PARN: variants seen among roughly 807,000 people sequenced by gnomAD.
The protein encoded by PARN is poly(A)-specific ribonuclease.
Under a neutral mutation model 102.8 loss-of-function variants are expected in PARN, and 71 were observed. The ratio of observed to expected loss-of-function variants is 0.69; its 90% CI spans 0.57 to 0.84. The LOEUF (loss-of-function observed/expected upper bound fraction) is 0.84, where lower values mean the gene tolerates loss of function less well. PARN is among the 40% of genes least tolerant of loss of function. PARN has a pLI of 0.00. For missense variants in PARN, 782 were observed against 760.9 expected (o/e 1.03, Z -0.33); for synonymous variants, 261 against 252.9 (o/e 1.03, Z -0.30).
intron 12 of PARN, among the ~76,000 whole-genome samples, 167 bp from the exon 13 acceptor site, chr16:14,593,545 C>A (rs1008369250): frequency 1.6e-5 from 2 of 124,892 alleles, no homozygotes; most frequent in Non-Finnish European, 3.2e-5. Context: ...CTAATTTGGG[C>A]TGGCTTCATT....
At chr16:14,500,036 GAGA>G in intron 21 of PARN, among the ~76,000 whole-genome samples, 1 of 152,262 alleles carries the variant, frequency 6.6e-6, no homozygotes, top group Non-Finnish European at 1.5e-5. Context: ...GGTATACAGA[GAGA>G]AGAACACAGA....
At chr16:14,498,296 G>A (rs1021094317) in intron 21 of PARN, among the ~76,000 whole-genome samples, 4 of 152,104 alleles carry the variant, frequency 2.6e-5, no homozygotes, top group African/African-American at 9.7e-5. Flanking sequence ...CTGGGAGGGA[G>A]GGTGTCTGTC....
chr16:14,597,018 C>T (rs1970560287), intron 12 of PARN, among the ~76,000 whole-genome samples: 1 of 152,026 alleles, frequency 6.6e-6, no homozygotes. Context: ...AACTCCCGAC[C>T]TCCAGTGATC....
chr16:14,584,493 C>T (rs1234773140), intron 15 of PARN, 71 bp from the exon 16 acceptor site: 22 of 1,133,874 alleles, frequency 1.9e-5, no homozygotes, highest in Non-Finnish European at 2.5e-5. Context: ...GATTCACTGA[C>T]CCCCCCAAAA....
chr16:14,614,203 G>C (rs1405088806), intron 6 of PARN, among the ~76,000 whole-genome samples: 1 of 151,920 alleles, frequency 6.6e-6, no homozygotes, highest in Non-Finnish European at 1.5e-5. Context: ...GCTGCAGTGA[G>C]TCATGAATGT....
At chr16:14,591,930 C>G (rs1024458399) in intron 13 of PARN, 2 of 151,824 alleles carry the variant, frequency 1.3e-5, no homozygotes, top group Non-Finnish European at 2.9e-5. Context: ...CCCAGCTACT[C>G]GGGAGGCTGA....
intron 13 of PARN, among the ~76,000 whole-genome samples, chr16:14,589,641 G>A (rs187903127): frequency 8.6e-5 from 13 of 152,032 alleles, no homozygotes; most frequent in South Asian, 2.1e-4. Context: ...CCAGGCAGGC[G>A]GATCACCTAA....
intron 13 of PARN, among the ~76,000 whole-genome samples, chr16:14,587,251 G>A (rs755039293): frequency 6.6e-6 from 1 of 152,102 alleles, no homozygotes; most frequent in Non-Finnish European, 1.5e-5. Context: ...TCAATGCAAC[G>A]TCAAAAAATG....
chr16:14,593,594 T>A (rs369679292), intron 12 of PARN, among the ~76,000 whole-genome samples: 47 of 148,942 alleles, frequency 3.2e-4, no homozygotes, highest in African/African-American at 9.1e-4. Flanking sequence ...GAAAGCAAAG[T>A]GAAAGCACAA....
chr16:14,589,380 T>C (rs1434371827), intron 13 of PARN, among the ~76,000 whole-genome samples: 1 of 151,082 alleles, frequency 6.6e-6, no homozygotes, highest in Non-Finnish European at 1.5e-5. Flanking sequence ...CCTGGGCAAA[T>C]GGTGAGATCC....
At chr16:14,494,546 T>C (rs566134460) in intron 21 of PARN, among the ~76,000 whole-genome samples, 1 of 152,162 alleles carries the variant, frequency 6.6e-6, no homozygotes, top group Non-Finnish European at 1.5e-5. Flanking sequence ...AGAAGGAATA[T>C]GATGAGGTGA....
intron 9 of PARN, chr16:14,608,007 T>C: frequency 2.4e-6 from 1 of 415,404 alleles, no homozygotes; most frequent in Non-Finnish European, 4.2e-6. Context: ...CAAATATTTA[T>C]TGTATACCCC....
At chr16:14,526,130 T>C (rs1965985679) in intron 21 of PARN, among the ~76,000 whole-genome samples, 1 of 151,202 alleles carries the variant, frequency 6.6e-6, no homozygotes, top group South Asian at 2.1e-4. Flanking sequence ...ATTTTCTACA[T>C]GTTACTTTTC....
At chr16:14,622,721 T>C (rs1372790892) in intron 5 of PARN, among the ~76,000 whole-genome samples, 1 of 152,232 alleles carries the variant, frequency 6.6e-6, no homozygotes, top group Non-Finnish European at 1.5e-5. Flanking sequence ...TTAGCCAGGA[T>C]GGTCTTAATC....
intron 23 of PARN, among the ~76,000 whole-genome samples, chr16:14,442,573 G>C (rs570017648): frequency 1.3e-5 from 2 of 152,226 alleles, no homozygotes; most frequent in African/African-American, 4.8e-5. Flanking sequence ...AAGGAGACTG[G>C]TTACTTGGCT....
intron 22 of PARN, among the ~76,000 whole-genome samples, chr16:14,455,687 T>C (rs1330188942): frequency 6.6e-6 from 1 of 152,042 alleles, no homozygotes; most frequent in Non-Finnish European, 1.5e-5. Flanking sequence ...TAGATTTTTA[T>C]TGAGAAGAAT....
At chr16:14,436,838 A>T in intron 23 of PARN, 66 bp from the exon 24 acceptor site, 1 of 1,178,916 alleles carries the variant, frequency 8.5e-7, no homozygotes, top group Non-Finnish European at 1.2e-6. Flanking sequence ...AGAGCATGAC[A>T]TGACCAGCAG....
intron 21 of PARN, among the ~76,000 whole-genome samples, chr16:14,498,568 C>T (rs1390981508): frequency 3.9e-5 from 6 of 152,082 alleles, no homozygotes; most frequent in African/African-American, 7.2e-5. Context: ...ACATCATACA[C>T]GATCTGTCAC....
chr16:14,570,448 G>A (rs1256820153), intron 18 of PARN, among the ~76,000 whole-genome samples: 1 of 149,240 alleles, frequency 6.7e-6, no homozygotes, highest in Non-Finnish European at 1.5e-5. Context: ...TCAAGAGTTC[G>A]AGACCAGCCT....
Sources: gnomAD v4.1 joint callset for allele counts (sites outside exome capture counted in the v4.1 genomes callset) on GRCh38, gnomAD v4.1.1 for gene constraint, MANE v1.5 for transcripts, NCBI Gene and HGNC (gene_info 2026-07-23, HGNC 2026-07-21) for gene names.